The following DPP10 variants were observed in gnomAD, a reference collection of about 807,000 sequenced individuals.
DPP10 encodes inactive dipeptidyl peptidase 10.
In DPP10, 33 loss-of-function variants were observed where a neutral mutation model predicts 120.9. The observed-to-expected ratio is 0.27, with a 90% CI of 0.21 to 0.37. The LOEUF is 0.37. Among genes scored for constraint, DPP10 ranks in the 10% least tolerant of loss-of-function variants. The probability of loss-of-function intolerance (pLI) is 1.00; values close to 1 mark genes in which losing one functional copy is unlikely to be tolerated. For synonymous variants in DPP10, 337 were observed against 326.1 expected, an observed-to-expected ratio of 1.03 and a Z score of -0.36; for missense variants, 816 against 942.8, an observed-to-expected ratio of 0.87 and a Z score of 1.76.
chr2:114,796,887 C>T (rs1683764578), intron 1 of DPP10, among the ~76,000 whole-genome samples: 1 of 152,166 alleles, frequency 6.6e-6, no homozygotes, highest in African/African-American at 2.4e-5. Context: ...ACCAGAGTCT[C>T]TGTGAAGTCA....
At chr2:115,687,465 G>T (rs925798380) in intron 5 of DPP10, among the ~76,000 whole-genome samples, 12 of 150,248 alleles carry the variant, frequency 8.0e-5, no homozygotes, top group African/African-American at 2.9e-4. Context: ...CAAATTGCTG[G>T]CTTTGTAGGA....
At chr2:115,692,871 A>T (rs1301645561) in intron 7 of DPP10, among the ~76,000 whole-genome samples, 1 of 152,152 alleles carries the variant, frequency 6.6e-6, no homozygotes, top group Non-Finnish European at 1.5e-5. Flanking sequence ...AAATAGGGTA[A>T]TTATAATAGA....
intron 13 of DPP10, among the ~76,000 whole-genome samples, chr2:115,770,527 AT>A (rs1681335855): frequency 6.6e-6 from 1 of 151,726 alleles, no homozygotes; most frequent in Admixed American, 6.6e-5. Flanking sequence ...ATTTATGAAT[AT>A]TTTGGCAATT....
At chr2:115,014,861 C>A (rs1457860383) in intron 1 of DPP10, among the ~76,000 whole-genome samples, 1 of 86,784 alleles carries the variant, frequency 1.2e-5, no homozygotes, top group African/African-American at 3.6e-5. Flanking sequence ...AGCCTACCAA[C>A]CAAAAAAAAA....
chr2:115,521,037 C>G (rs2077773428), intron 4 of DPP10, among the ~76,000 whole-genome samples: 1 of 152,022 alleles, frequency 6.6e-6, no homozygotes, highest in Non-Finnish European at 1.5e-5. Context: ...ATCACTTGAG[C>G]TAAGAAGGAC....
chr2:115,514,838 C>G (rs180952892), intron 4 of DPP10, among the ~76,000 whole-genome samples: 106 of 151,806 alleles, frequency 7.0e-4, no homozygotes, highest in African/African-American at 2.3e-3. Context: ...AACTCAGTAC[C>G]CATTTTTGAA....
chr2:114,927,202 T>C (rs1695699817), intron 1 of DPP10, among the ~76,000 whole-genome samples: 1 of 152,064 alleles, frequency 6.6e-6, no homozygotes, highest in Middle Eastern at 3.2e-3. Flanking sequence ...AGTACATGGA[T>C]GCAACACTGT....
At chr2:115,289,497 A>G (rs1026647365) in intron 1 of DPP10, among the ~76,000 whole-genome samples, 1 of 109,090 alleles carries the variant, frequency 9.2e-6, no homozygotes, top group Non-Finnish European at 1.8e-5. Flanking sequence ...AAAAAAAAAA[A>G]AAAAAAAGGA....
chr2:115,533,974 A>G (rs1032918986), intron 5 of DPP10, among the ~76,000 whole-genome samples: 7 of 152,204 alleles, frequency 4.6e-5, no homozygotes, highest in African/African-American at 1.4e-4. Context: ...AGGTGGACAA[A>G]AAGGAAGGAA....
At chr2:115,269,865 C>T (rs1258433743) in intron 1 of DPP10, among the ~76,000 whole-genome samples, 1 of 152,058 alleles carries the variant, frequency 6.6e-6, no homozygotes, top group East Asian at 1.9e-4. Context: ...AGTACTTACC[C>T]TGCCATTCTG....
At chr2:115,225,342 CG>C (rs2057379503) in intron 1 of DPP10, among the ~76,000 whole-genome samples, 1 of 152,036 alleles carries the variant, frequency 6.6e-6, no homozygotes. Context: ...TGGGGTGCAA[CG>C]TGAGAGGCCG....
intron 5 of DPP10, among the ~76,000 whole-genome samples, chr2:115,660,543 T>A (rs1032748005): frequency 3.3e-5 from 5 of 150,788 alleles, no homozygotes; most frequent in Non-Finnish European, 7.4e-5. Flanking sequence ...AAATTCCTTA[T>A]AAAACAACTC....
chr2:115,663,775 T>C (rs1027790150), intron 5 of DPP10, among the ~76,000 whole-genome samples: 11 of 152,096 alleles, frequency 7.2e-5, no homozygotes, highest in Non-Finnish European at 1.3e-4. Flanking sequence ...GGCAGGCGGA[T>C]CACGAGGTCG....
At chr2:114,815,403 A>G (rs1261209233) in intron 1 of DPP10, among the ~76,000 whole-genome samples, 2 of 152,184 alleles carry the variant, frequency 1.3e-5, no homozygotes. Flanking sequence ...CACATTAGCT[A>G]GGAAGTTTGG....
intron 1 of DPP10, among the ~76,000 whole-genome samples, chr2:114,979,804 TATACA>T (rs1435656640): frequency 6.6e-6 from 1 of 152,064 alleles, no homozygotes; most frequent in African/African-American, 2.4e-5. Context: ...ACTTAAAACT[TATACA>T]ATACAATTTT....
intron 1 of DPP10, among the ~76,000 whole-genome samples, chr2:114,795,395 G>A (rs1439341778): frequency 1.3e-5 from 2 of 152,094 alleles, no homozygotes; most frequent in Non-Finnish European, 2.9e-5. Context: ...GGAGGCTGAG[G>A]CAGGAGAATC....
At chr2:114,914,728 C>G (rs976049094) in intron 1 of DPP10, among the ~76,000 whole-genome samples, 1 of 152,210 alleles carries the variant, frequency 6.6e-6, no homozygotes, top group East Asian at 1.9e-4. Flanking sequence ...AATGGGCTAA[C>G]TGCTCCACTT....
chr2:115,659,655 T>C (rs1209252673), intron 5 of DPP10, among the ~76,000 whole-genome samples: 1 of 152,174 alleles, frequency 6.6e-6, no homozygotes, highest in Non-Finnish European at 1.5e-5. Flanking sequence ...AGGTGTAAAA[T>C]GATGGCCTTA....
intron 3 of DPP10, among the ~76,000 whole-genome samples, chr2:115,485,072 A>G (rs559495376): frequency 6.6e-5 from 10 of 152,250 alleles, no homozygotes; most frequent in African/African-American, 2.2e-4. Flanking sequence ...TCCATCTCAA[A>G]AACAAACAAA....
Sources: gnomAD v4.1 joint callset for allele counts (sites outside exome capture counted in the v4.1 genomes callset) on GRCh38, gnomAD v4.1.1 for gene constraint, MANE v1.5 for transcripts, NCBI Gene and HGNC (gene_info 2026-07-23, HGNC 2026-07-21) for gene names.